Variants in PCID2 observed in about 807,000 individuals in gnomAD.
PCID2 encodes the protein PCI domain-containing protein 2.
In PCID2, 41 loss-of-function variants were observed where a neutral mutation model predicts 61.3. That is an observed-to-expected ratio of 0.67 (90% CI 0.52 to 0.87). The LOEUF is 0.87. PCID2 is among the 40% of genes least tolerant of loss of function. PCID2 has a pLI of 0.00. For synonymous variants in PCID2, 187 were observed against 177.8 expected (o/e 1.05, Z -0.41); for missense variants, 392 against 493.4 (o/e 0.79, Z 1.95).
chr13:113,186,341 G>A (rs1482001952), intron 7 of PCID2: 1 of 152,260 alleles, frequency 6.6e-6, no homozygotes, highest in Non-Finnish European at 1.5e-5. Context: ...TACCTCAAAA[G>A]ACTGAAAAAA....
At chr13:113,203,896 T>G (rs2039611964) in intron 1 of PCID2, among the ~76,000 whole-genome samples, 2 of 152,220 alleles carry the variant, frequency 1.3e-5, no homozygotes, top group African/African-American at 2.4e-5. Flanking sequence ...AAACCAGTAT[T>G]AGTCAGTTTA....
intron 1 of PCID2, among the ~76,000 whole-genome samples, chr13:113,205,666 C>T (rs1017416367): frequency 4.6e-5 from 7 of 152,154 alleles, no homozygotes; most frequent in Non-Finnish European, 7.4e-5. Flanking sequence ...TAAAAAAGAA[C>T]GACACACTGA....
chr13:113,176,718 G>A (rs2037197395), downstream of PCID2, among the ~76,000 whole-genome samples: 1 of 152,170 alleles, frequency 6.6e-6, no homozygotes, highest in Non-Finnish European at 1.5e-5. Context: ...AGCACTGACT[G>A]CACTGCCGCA....
Position 113,178,217 on chromosome 13 carries a change from G to A in PCID2, c.1181C>T (p.Pro394Leu), listed in dbSNP as rs759438317. Residue 394 changes from proline (P) to leucine (L), a missense_variant, in exon 14 of 14, where the codon CCC (proline) becomes CTC (leucine). Around this residue, in one of 3 missense-constraint regions of PCID2, gnomAD observed 226 missense variants for 296.5 expected, o/e 0.76. Transcript: ENST00000337344. ...LVVSKQNPFP[P>L]LSTVC ...GTACTTTCAACACACCGTGGACAGG[G>A]GAGGAAATGGGTTCTGCTTGCTGAC... is the stretch of plus-strand genomic sequence containing the variant. The A allele has an allele frequency of 3.7e-6, 6 of 1,613,358 alleles. No individual in the cohort carries two copies. Among genetic ancestry groups the A allele is most frequent in the Admixed American group, 1.7e-5 (1 of 60,024 alleles).
chr13:113,198,376 C>G, intron 2 of PCID2, 112 bp from the exon 3 acceptor site: 1 of 674,074 alleles, frequency 1.5e-6, no homozygotes, highest in Admixed American at 2.7e-5. Context: ...CTTTACAGTT[C>G]ACAGTAACAC....
At chr13:113,203,849 G>A (rs1002827610) in intron 1 of PCID2, among the ~76,000 whole-genome samples, 2 of 152,186 alleles carry the variant, frequency 1.3e-5, no homozygotes, top group South Asian at 4.1e-4. Context: ...CAAAACAACC[G>A]ATCCCACCCA....
At chr13:113,197,017 A>G in intron 4 of PCID2, 161 bp downstream of exon 4, 1 of 1,607,830 alleles carries the variant, frequency 6.2e-7, no homozygotes, top group South Asian at 1.1e-5. Context: ...AAATTTAAGT[A>G]CCCAAGTGAA....
chr13:113,202,779 G>C (rs111415385), intron 1 of PCID2, among the ~76,000 whole-genome samples: 2 of 152,186 alleles, frequency 1.3e-5, no homozygotes, highest in South Asian at 4.1e-4. Flanking sequence ...TTTCTAGAGA[G>C]GGGGGTGGAA....
intron 7 of PCID2, chr13:113,187,394 CT>C (rs1292685678): frequency 6.6e-6 from 1 of 152,234 alleles, no homozygotes; most frequent in African/African-American, 2.4e-5. Context: ...CAGGAACTGC[CT>C]TCCCATTTCC....
chr13:113,193,261 T>C (rs151327023), intron 6 of PCID2, among the ~76,000 whole-genome samples: 1,921 of 152,160 alleles, frequency 0.013, 34 homozygotes, highest in African/African-American at 0.044. Context: ...AGAAGCCACA[T>C]TGTAACTAAC....
chr13:113,170,336 C>T, the PCID2 span: 9 of 884,926 alleles, frequency 1.0e-5, no homozygotes, highest in African/African-American at 8.2e-5. Flanking sequence ...TGGTCCATAT[C>T]CCTATCCAGT....
intron 7 of PCID2, chr13:113,187,464 T>G (rs1434564714): frequency 1.3e-5 from 2 of 152,218 alleles, no homozygotes; most frequent in Non-Finnish European, 2.9e-5. Flanking sequence ...CCAGTCTCCC[T>G]GCATCCTCAC....
the PCID2 span, chr13:113,172,081 C>G: frequency 1.7e-5 from 27 of 1,612,840 alleles, no homozygotes; most frequent in Non-Finnish European, 2.2e-5. Flanking sequence ...GGTACTCACT[C>G]TGGTTTAAAC....
chr13:113,197,338 T>A, intron 3 of PCID2, 95 bp from the exon 4 acceptor site: 1 of 847,482 alleles, frequency 1.2e-6, no homozygotes, highest in Non-Finnish European at 2.0e-6. Flanking sequence ...GTCCCAGTGG[T>A]CCTGGGATGA....
At chr13:113,166,592 A>G in the PCID2 span, among the ~76,000 whole-genome samples, 4 of 152,248 alleles carry the variant, frequency 2.6e-5, no homozygotes, top group Admixed American at 6.5e-5. Context: ...GTGGAGAGGA[A>G]GAAACCGAAG....
chr13:113,176,520 G>C (rs2037189963), downstream of PCID2, among the ~76,000 whole-genome samples: 1 of 152,290 alleles, frequency 6.6e-6, no homozygotes, highest in Non-Finnish European at 1.5e-5. Context: ...CCAGCACTTT[G>C]GGAGGCCGAG....
At chr13:113,169,261 G>A in the PCID2 span, among the ~76,000 whole-genome samples, 8 of 152,190 alleles carry the variant, frequency 5.3e-5, no homozygotes, top group African/African-American at 1.4e-4. Context: ...GCCAGTGGAT[G>A]TTTAACCTCA....
At chr13:113,185,369 G>A (rs1329443202) in intron 8 of PCID2, 116 bp downstream of exon 8, 6 of 746,784 alleles carry the variant, frequency 8.0e-6, no homozygotes, top group Admixed American at 2.0e-5. Flanking sequence ...CTAGGAATAC[G>A]GTTATGATCA....
intron 1 of PCID2, among the ~76,000 whole-genome samples, chr13:113,206,587 C>T (rs1354735387): frequency 6.6e-6 from 1 of 152,226 alleles, no homozygotes; most frequent in Admixed American, 6.5e-5. Flanking sequence ...GTGACATTGG[C>T]ACTTATGTTC....
Sources: allele counts gnomAD v4.1 joint callset (sites outside exome capture counted in the v4.1 genomes callset), GRCh38; gene constraint gnomAD v4.1.1; regional missense constraint gnomAD v4.1.1; transcripts MANE v1.5; gene names NCBI Gene and HGNC (gene_info 2026-07-23, HGNC 2026-07-21).